ODAD1: variants seen among roughly 807,000 people sequenced by gnomAD.
The protein encoded by ODAD1 is outer dynein arm-docking complex subunit 1.
Under a neutral mutation model 67.2 loss-of-function variants are expected in ODAD1, and 49 were observed. That is an observed-to-expected ratio of 0.73 (90% confidence interval 0.58 to 0.92). The LOEUF is 0.92. Among genes scored for constraint, ODAD1 ranks in the 40% least tolerant of loss-of-function variants. ODAD1 has a pLI of 0.00. For synonymous variants in ODAD1, 345 were observed against 393.7 expected (o/e 0.88, Z 1.46); for missense variants, 897 against 953.7 (o/e 0.94, Z 0.78).
At chr19:48,308,831 A>T (rs1968683894) in intron 7 of ODAD1, among the ~76,000 whole-genome samples, 1 of 152,166 alleles carries the variant, frequency 6.6e-6, no homozygotes, top group Non-Finnish European at 1.5e-5. Flanking sequence ...GTGCTCTTGC[A>T]GGGAGCCAGG....
At chr19:48,318,842 C>G (rs1968969712) in intron 3 of ODAD1, 30 bp from the exon 4 acceptor site, 2 of 1,427,270 alleles carry the variant, frequency 1.4e-6, no homozygotes, top group Non-Finnish European at 1.9e-6. Flanking sequence ...AGGGACTCAG[C>G]AGGGATCCTG....
Position 48,302,688 on chromosome 19 carries a change from G to A in ODAD1, c.1240+6C>T, listed in dbSNP as rs771135040. On this transcript the variant is annotated splice_donor_region_variant and intron_variant, in intron 12 of 15. Transcript: ENST00000674294. ...GGCTCGGGAGGGGGCGCCCATGGGT[G>A]CTCACCAGCCTTGAGCTTCTCCAGC... 3 of 1,606,484 alleles carry A rather than the reference G, an allele frequency of 1.9e-6. No individual in the cohort carries two copies. In the African/African-American group the frequency reaches 4.0e-5, roughly 21 times the overall value.
At chr19:48,318,939 C>T (rs926328874) in intron 3 of ODAD1, 127 bp from the exon 4 acceptor site, 1 of 635,970 alleles carries the variant, frequency 1.6e-6, no homozygotes. Context: ...ATCCAGCCCC[C>T]AACACCCCTC....
At chr19:48,305,823 G>C (rs1273197707) in intron 8 of ODAD1, among the ~76,000 whole-genome samples, 1 of 151,996 alleles carries the variant, frequency 6.6e-6, no homozygotes, top group Non-Finnish European at 1.5e-5. Flanking sequence ...CACTTTGGGA[G>C]GCAGAGGCGG....
chr19:48,298,391 C>T, intron 12 of ODAD1, 51 bp from the exon 13 acceptor site: 1 of 1,582,912 alleles, frequency 6.3e-7, no homozygotes. Flanking sequence ...CAGCTGGGTG[C>T]CAGCCCTCTC....
At chr19:48,306,356 T>C in intron 7 of ODAD1, 33 bp from the exon 8 acceptor site, 1 of 1,523,096 alleles carries the variant, frequency 6.6e-7, no homozygotes. Context: ...TCAGTGCCAC[T>C]TCTTACAACC....
chr19:48,312,252 T>A, intron 5 of ODAD1, 136 bp from the exon 6 acceptor site: 1 of 661,674 alleles, frequency 1.5e-6, no homozygotes, highest in Non-Finnish European at 2.6e-6. Context: ...ACCCTTCTGC[T>A]GACACTATCC....
At chr19:48,311,343 G>A (rs1968755857) in intron 7 of ODAD1, among the ~76,000 whole-genome samples, 1 of 152,172 alleles carries the variant, frequency 6.6e-6, no homozygotes, top group South Asian at 2.1e-4. Flanking sequence ...ATGACATTCT[G>A]CTTTCTACAA....
chr19:48,303,373 G>A (rs886363989), intron 10 of ODAD1: 14 of 607,024 alleles, frequency 2.3e-5, no homozygotes, highest in African/African-American at 3.7e-5. Flanking sequence ...CGGGGAGAAC[G>A]GTAGATATGG....
intron 7 of ODAD1, among the ~76,000 whole-genome samples, chr19:48,310,987 C>T (rs1471027922): frequency 2.6e-5 from 4 of 151,398 alleles, no homozygotes; most frequent in Admixed American, 6.6e-5. Flanking sequence ...CCGAGGAAGG[C>T]GGATCACGAG....
intron 1 of ODAD1, among the ~76,000 whole-genome samples, chr19:48,321,296 A>G (rs116744839): frequency 0.02 from 3,091 of 152,292 alleles, 112 homozygotes; most frequent in African/African-American, 0.071. Context: ...AAAGGGGCGG[A>G]GCCGGGAGGG....
intron 7 of ODAD1, among the ~76,000 whole-genome samples, chr19:48,309,114 C>T (rs149299838): frequency 2.0e-5 from 3 of 152,112 alleles, no homozygotes; most frequent in Non-Finnish European, 4.4e-5. Context: ...CCTGCAGGCT[C>T]GAGCGTGTCT....
Position 48,311,987 on chromosome 19 carries a change from C to T in ODAD1, c.483+7G>A. On this transcript the variant is annotated splice_region_variant and intron_variant, in intron 6 of 15. Transcript: ENST00000674294. Reference sequence around the variant, plus strand: ...TCAGGTCGAGGGACCAGGAGTTTGACCCTCACCCTGTCCAACTGGTTTTCT... The same window carrying T: ...TCAGGTCGAGGGACCAGGAGTTTGATCCTCACCCTGTCCAACTGGTTTTCT... 6.4e-7 allele frequency: 1 copy of T among 1,550,596 alleles called. No homozygotes were observed. Among genetic ancestry groups the T allele is most frequent in the South Asian group, 1.2e-5 (1 of 83,982 alleles).
intron 7 of ODAD1, among the ~76,000 whole-genome samples, chr19:48,310,427 C>A (rs773019838): frequency 6.6e-6 from 1 of 152,154 alleles, no homozygotes; most frequent in Non-Finnish European, 1.5e-5. Flanking sequence ...ATCAAGTTCA[C>A]TGTAAAGGAC....
Position 48,297,117 on chromosome 19 carries a change from GT to G in ODAD1, c.1982del (p.Asn661ThrfsTer123). The G allele has an allele frequency of 1.2e-6, 2 of 1,613,670 alleles. No individual in the cohort carries two copies. The highest frequency in any genetic ancestry group is 1.1e-5 in the South Asian group (1 of 91,086). The part of the protein sequence containing the change: ...GYVGSSRGGE[N>X]TEGGVESGGT... Reference sequence around the variant, plus strand: ...CTCCGCTCTCCACACCACCCTCTGTGTTTTCTCCGCCCCTGCTGGACCCCAC... The same window carrying G: ...CTCCGCTCTCCACACCACCCTCTGTGTTTCTCCGCCCCTGCTGGACCCCAC... On this transcript the variant is annotated frameshift_variant, in exon 16 of 16. Coordinates refer to ENST00000674294, the MANE Select transcript of ODAD1 (RefSeq NM_001364171.2). LOFTEE classifies it low-confidence loss of function (END_TRUNC).
intron 12 of ODAD1, among the ~76,000 whole-genome samples, chr19:48,300,080 G>C (rs897571383): frequency 1.3e-5 from 2 of 151,806 alleles, no homozygotes; most frequent in Non-Finnish European, 2.9e-5. Context: ...ACTGAGGCGG[G>C]CAGATCACCT....
At chr19:48,320,468 G>A in intron 2 of ODAD1, 77 bp from the exon 3 acceptor site, 1 of 788,094 alleles carries the variant, frequency 1.3e-6, no homozygotes, top group South Asian at 1.7e-5. Flanking sequence ...TGAACTGCGA[G>A]GGACTGGGAA....
At chr19:48,313,634 A>G (rs1323825648) in intron 5 of ODAD1, among the ~76,000 whole-genome samples, 5 of 151,528 alleles carry the variant, frequency 3.3e-5, no homozygotes, top group South Asian at 2.1e-4. Context: ...TGTAATCCCA[A>G]TACTTTGGAA....
In ODAD1 at chr19:48,303,005, T is replaced by C; in HGVS notation, c.1071+8A>G. On this transcript the variant is annotated splice_region_variant and intron_variant, in intron 11 of 15. Coordinates refer to ENST00000674294, the MANE Select transcript of ODAD1 (RefSeq NM_001364171.2). ...GAGGAGGAGATGGAGAGGGCAGGCC[T>C]CACTCACCTCCTTGATCTCTTCCTG... 6.2e-7 allele frequency: 1 copy of C among 1,612,312 alleles called. No homozygotes were observed. The highest frequency in any genetic ancestry group is 8.5e-7 in the Non-Finnish European group (1 of 1,178,432).
Sources: gnomAD v4.1 joint callset for allele counts (sites outside exome capture counted in the v4.1 genomes callset) on GRCh38, gnomAD v4.1.1 for gene constraint, MANE v1.5 for transcripts, NCBI Gene and HGNC (gene_info 2026-07-23, HGNC 2026-07-21) for gene names.